DDX31: variants seen among roughly 807,000 people sequenced by gnomAD.
DDX31 encodes ATP-dependent DNA helicase DDX31.
A neutral mutation model predicts 91.3 loss-of-function variants in DDX31; 70 were observed. The observed-to-expected ratio is 0.77, with a 90% confidence interval of 0.63 to 0.94. DDX31 has a LOEUF of 0.94. Ranked by LOEUF, DDX31 falls within the 40% of genes least tolerant of loss-of-function variation. The pLI is 0.00. For synonymous variants in DDX31, 362 were observed against 350.6 expected, an observed-to-expected ratio of 1.03 and a Z score of -0.36; for missense variants, 902 against 925.0, an observed-to-expected ratio of 0.98 and a Z score of 0.32.
chr9:132,634,807 G>A (rs765020378), intron 14 of DDX31, among the ~76,000 whole-genome samples: 1 of 151,894 alleles, frequency 6.6e-6, no homozygotes, highest in Non-Finnish European at 1.5e-5. Flanking sequence ...CTGGGCTCAA[G>A]CGATCCCCCC....
chr9:132,638,068 A>C (rs1833238015), intron 14 of DDX31: 9 of 1,258,466 alleles, frequency 7.2e-6, no homozygotes, highest in Non-Finnish European at 8.0e-6. Flanking sequence ...ATTTAGGTGC[A>C]TCTTCTGAAA....
Position 132,648,303 on chromosome 9 carries a change from T to A in DDX31, c.861-8A>T. On this transcript the variant is annotated splice_polypyrimidine_tract_variant and splice_region_variant and intron_variant, in intron 10 of 19. Coordinates refer to ENST00000372159, the MANE Select transcript of DDX31 (RefSeq NM_022779.9). ...AAACCCAAATCCAAGATTCTGTGAT[T>A]GTAAAAAAAAAAAGAAATTTTCAAC... 1 of 1,601,292 alleles carries A rather than the reference T, an allele frequency of 6.2e-7. No homozygotes were observed. Among genetic ancestry groups the A allele is most frequent in the Middle Eastern group, 1.7e-4 (1 of 5,990 alleles).
chr9:132,667,036 A>G (rs1835359115), intron 1 of DDX31, among the ~76,000 whole-genome samples: 5 of 151,470 alleles, frequency 3.3e-5, no homozygotes, highest in Admixed American at 3.3e-4. Flanking sequence ...TTTAGTAGAG[A>G]TGGGGTTTCA....
At chr9:132,651,158 C>T (rs757278076) in intron 7 of DDX31, 42 bp from the exon 8 acceptor site, 3 of 1,518,042 alleles carry the variant, frequency 2.0e-6, no homozygotes, top group African/African-American at 3.0e-5. Flanking sequence ...ACAGGATCCC[C>T]CTTTTTTTTT....
At chr9:132,642,780 T>C (rs1309826683) in intron 13 of DDX31, among the ~76,000 whole-genome samples, 2 of 151,976 alleles carry the variant, frequency 1.3e-5, no homozygotes, top group South Asian at 2.1e-4. Flanking sequence ...ACTAAATGGA[T>C]GCACCATTAT....
Position 132,632,111 on chromosome 9 carries a change from A to G in DDX31, c.1441-20T>C. ...AACATCCTTTAACAAAGAAAAGAAT[A>G]TGGTTTAACACTGAGTTTCTGAACC... On this transcript the variant is annotated intron_variant, in intron 14 of 19. Coordinates refer to ENST00000372159, the MANE Select transcript of DDX31 (RefSeq NM_022779.9). The G allele has an allele frequency of 6.2e-7, 1 of 1,610,306 alleles. No homozygotes were observed. The highest frequency in any genetic ancestry group is 1.7e-4 in the Middle Eastern group (1 of 6,058).
intron 14 of DDX31, chr9:132,638,469 A>G: frequency 6.7e-7 from 1 of 1,498,186 alleles, no homozygotes; most frequent in South Asian, 1.2e-5. Flanking sequence ...ACTTCCAATG[A>G]CTCCTTCTTG....
chr9:132,625,740 G>C lies in DDX31; in HGVS notation c.1637C>G (p.Ser546Cys). Residue 546 changes from serine to cysteine, a missense_variant, in exon 17 of 20, where the codon TCT (serine) becomes TGT (cysteine). Physicochemically the swap from Ser to Cys is moderately radical, Grantham distance 112. Coordinates refer to ENST00000372159, the MANE Select transcript of DDX31 (RefSeq NM_022779.9). Reference sequence around the variant, plus strand: ...CAAAATATCTTCCATCTTAATCTCAGAAACGCTGTAAAAGGAAGGGCACAG... The same window carrying C: ...CAAAATATCTTCCATCTTAATCTCACAAACGCTGTAAAAGGAAGGGCACAG... Reference protein sequence around the residue: ...NSLASHKINVSEIKMEDILCV... With the variant: ...NSLASHKINVCEIKMEDILCV... 1 of 1,613,104 alleles carries C rather than the reference G, an allele frequency of 6.2e-7. No individual in the cohort carries two copies.
chr9:132,605,529 G>A (rs536704813), intron 19 of DDX31, among the ~76,000 whole-genome samples: 2 of 152,034 alleles, frequency 1.3e-5, no homozygotes, highest in African/African-American at 4.8e-5. Flanking sequence ...CAACCTGCAC[G>A]ATGAGCAAAC....
chr9:132,633,697 C>T (rs1396976512), intron 14 of DDX31, among the ~76,000 whole-genome samples: 1 of 151,764 alleles, frequency 6.6e-6, no homozygotes, highest in African/African-American at 2.4e-5. Flanking sequence ...CAGTTATCGC[C>T]AGGGGAGGAA....
Position 132,647,002 on chromosome 9 carries a change from C to G in DDX31, c.1024G>C (p.Asp342His). 2 of 1,614,180 alleles carry G rather than the reference C, an allele frequency of 1.2e-6. No homozygotes were observed. Among genetic ancestry groups the G allele is most frequent in the East Asian group, 4.5e-5 (2 of 44,886 alleles). ...LHDPVSISVL[D>H]KSHDQLNPKD... ...GGGTTCAACTGGTCATGGCTCTTGT[C>G]CAGGACAGAAATACTGACTGGATCA... The change falls in exon 12 of 20, where the codon GAC becomes CAC. Residue 342 changes from aspartate to histidine, a missense_variant. Physicochemically the swap from Asp to His is moderately conservative, Grantham distance 81. Transcript: ENST00000372159.
At chr9:132,653,494 CAAAAAAAAAAAAAAAAAAAAA>C (rs71376648) in intron 6 of DDX31, among the ~76,000 whole-genome samples, 37 of 20,662 alleles carry the variant, frequency 1.8e-3, no homozygotes, top group Admixed American at 4.6e-3. Context: ...AACTCAGTCT[CAAAAAAAAAAAAAAAAAAAAA>C]AAAAAAAAAA....
At chr9:132,610,354 A>G (rs1831253047) in intron 19 of DDX31, among the ~76,000 whole-genome samples, 1 of 152,256 alleles carries the variant, frequency 6.6e-6, no homozygotes, top group Non-Finnish European at 1.5e-5. Flanking sequence ...ACTGCAGTAG[A>G]GCAGCACATA....
intron 6 of DDX31, among the ~76,000 whole-genome samples, chr9:132,654,789 T>C (rs1013152221): frequency 1.3e-5 from 2 of 149,556 alleles, no homozygotes; most frequent in Non-Finnish European, 3.0e-5. Flanking sequence ...CTACTAAAAC[T>C]ACAAAAATTA....
At chr9:132,636,245 C>A (rs1833106885) in intron 14 of DDX31, among the ~76,000 whole-genome samples, 1 of 152,230 alleles carries the variant, frequency 6.6e-6, no homozygotes, top group African/African-American at 2.4e-5. Flanking sequence ...TGTTGCAGAG[C>A]TGATGCCTTT....
rs1831389071 is a variant in DDX31, at chr9:132,612,255, G to A, written c.1826C>T (p.Ala609Val). The A allele has an allele frequency of 1.9e-6, 3 of 1,614,176 alleles. No homozygotes were observed. Among genetic ancestry groups the A allele is most frequent in the African/African-American group, 2.7e-5 (2 of 75,052 alleles). The part of the protein sequence containing the change: ...SERRVSWAKK[A>V]LQSFIQAYAT... Reference sequence around the variant, plus strand: ...GTAGGCTTGGATGAAGGACTGCAGAGCTGAAAGAAAAGAGAGCGGGGAGGG... The same window carrying A: ...GTAGGCTTGGATGAAGGACTGCAGAACTGAAAGAAAAGAGAGCGGGGAGGG... The change falls in exon 19 of 20, where the codon GCT (alanine) becomes GTT (valine). Residue 609 changes from alanine to valine, a missense_variant and splice_region_variant. Coordinates refer to ENST00000372159, the MANE Select transcript of DDX31 (RefSeq NM_022779.9).
intron 16 of DDX31, among the ~76,000 whole-genome samples, chr9:132,628,601 C>T (rs1370375902): frequency 6.6e-6 from 1 of 152,146 alleles, no homozygotes; most frequent in African/African-American, 2.4e-5. Flanking sequence ...ATGAAGAGAG[C>T]AGAGAGAGGC....
intron 14 of DDX31, among the ~76,000 whole-genome samples, chr9:132,632,811 AG>A (rs1171552183): frequency 6.6e-6 from 1 of 152,208 alleles, no homozygotes. Context: ...AAACTATAAA[AG>A]CAATGGAGAT....
intron 19 of DDX31, among the ~76,000 whole-genome samples, chr9:132,605,868 G>T (rs1236021396): frequency 6.6e-6 from 1 of 152,174 alleles, no homozygotes; most frequent in Non-Finnish European, 1.5e-5. Flanking sequence ...CCACTGAAAG[G>T]CGCTAAGCCA....
Sources: allele counts gnomAD v4.1 joint callset (sites outside exome capture counted in the v4.1 genomes callset), GRCh38; gene constraint gnomAD v4.1.1; transcripts MANE v1.5; gene names NCBI Gene and HGNC (gene_info 2026-07-23, HGNC 2026-07-21).